PERP: variants seen among roughly 807,000 people sequenced by gnomAD.
PERP encodes the protein p53 apoptosis effector related to PMP-22.
PERP carries 11 observed loss-of-function variants against 20.3 expected under a neutral mutation model. The ratio of observed to expected loss-of-function variants is 0.54; its 90% CI spans 0.34 to 0.90. The LOEUF (loss-of-function observed/expected upper bound fraction) is 0.90. Ranked by LOEUF, PERP falls within the 40% of genes least tolerant of loss-of-function variation. The pLI, the probability that PERP is intolerant of heterozygous loss-of-function variation, is 0.02. For missense variants in PERP, 224 were observed against 249.4 expected (o/e 0.90, Z 0.69); for synonymous variants, 101 against 102.0 (o/e 0.99, Z 0.06).
At position 138,107,309 on chromosome 6, in the gene PERP, C is replaced by T. The variant is rs753748541; in HGVS notation, c.32G>A (p.Cys11Tyr). MIRCGLACER[C>Y]RWILPLLLLS... ...TAGGAGCAGGGGCAGGATCCAGCGG[C>T]AGCGCTCGCAGGCCAGGCCGCAGCG... is the stretch of plus-strand genomic sequence containing the variant. Residue 11 changes from cysteine to tyrosine, a missense_variant, in exon 1 of 3, where the codon TGC becomes TAC. By Grantham distance (194) the Cys-to-Tyr change is radical. Coordinates refer to ENST00000421351, the MANE Select transcript of PERP (RefSeq NM_022121.5). The surrounding 1 kb of genome is among the most constrained non-coding windows in gnomAD (Gnocchi z 4.8). The T allele has an allele frequency of 5.0e-6, 8 of 1,604,512 alleles. No individual in the cohort carries two copies. Among genetic ancestry groups the T allele is most frequent in the Non-Finnish European group, 5.9e-6 (7 of 1,177,906 alleles).
chr6:138,104,288 A>G (rs1163764101), intron 1 of PERP, among the ~76,000 whole-genome samples: 1 of 152,212 alleles, frequency 6.6e-6, no homozygotes, highest in Non-Finnish European at 1.5e-5. Flanking sequence ...TGACAAATAT[A>G]AACCATGATT....
intron 1 of PERP, among the ~76,000 whole-genome samples, chr6:138,105,700 A>G (rs1775830971): frequency 6.6e-6 from 1 of 152,256 alleles, no homozygotes. Flanking sequence ...GGAGTAGGGT[A>G]TAATTATCAA....
intron 1 of PERP, among the ~76,000 whole-genome samples, chr6:138,105,649 TG>T (rs1051702632): frequency 6.6e-6 from 1 of 152,192 alleles, no homozygotes; most frequent in African/African-American, 2.4e-5. Context: ...ACTTTATATG[TG>T]GAGGATTACT....
In PERP at chr6:138,089,280, A is replaced by AG. The variant is rs928339825; in HGVS notation, c.*2761_*2762insC. ...CTTTCAGGGGGAGTTTACAGAAAAA[A>AG]AAAATAAACCGAATTAAGTTATGAT... is the stretch of plus-strand genomic sequence containing the variant. On this transcript the variant is annotated 3_prime_UTR_variant, in exon 3 of 3. Coordinates refer to ENST00000421351, the MANE Select transcript of PERP (RefSeq NM_022121.5). 6.6e-6 allele frequency: 1 copy of AG among 151,664 alleles called. No homozygotes were observed. 9.4% of individuals were successfully genotyped at this position (151,664 alleles called of 1,614,324 possible).
chr6:138,101,139 G>A (rs934898713), intron 1 of PERP, among the ~76,000 whole-genome samples: 31 of 152,186 alleles, frequency 2.0e-4, no homozygotes, highest in Admixed American at 1.8e-3. Context: ...TTAGGAGGCC[G>A]AGAAAGGTCA....
At chr6:138,097,807 T>G (rs1775718637) in intron 1 of PERP, among the ~76,000 whole-genome samples, 1 of 152,216 alleles carries the variant, frequency 6.6e-6, no homozygotes, top group Non-Finnish European at 1.5e-5. Context: ...TGGTTTTTAC[T>G]ATATTCACAG....
chr6:138,091,291 A>G lies in PERP; in HGVS notation c.*751T>C, dbSNP rs1410265549. ...CTCTGGTTCTGAACATATAAACACA[A>G]AACACTACAGATTTATTAATATAGC... On this transcript the variant is annotated 3_prime_UTR_variant, in exon 3 of 3. Coordinates refer to ENST00000421351, the MANE Select transcript of PERP (RefSeq NM_022121.5). 6.6e-6 allele frequency: 1 copy of G among 152,226 alleles called. No individual in the cohort carries two copies. Among genetic ancestry groups the G allele is most frequent in the African/African-American group, 2.4e-5 (1 of 41,458 alleles). The allele number at this position is 152,226 out of a possible 1,614,324, so 9.4% of individuals were successfully genotyped here.
intron 1 of PERP, among the ~76,000 whole-genome samples, chr6:138,104,722 A>G (rs55750867): frequency 0.01 from 1,544 of 152,330 alleles, 16 homozygotes; most frequent in Non-Finnish European, 0.016. Context: ...AATTCTCTAT[A>G]CGGAGATCTC....
At chr6:138,106,422 G>A (rs1377997777) in intron 1 of PERP, among the ~76,000 whole-genome samples, 3 of 152,216 alleles carry the variant, frequency 2.0e-5, no homozygotes, top group African/African-American at 7.2e-5. Flanking sequence ...TACTTCACCT[G>A]CTAGGTACAT....
At position 138,096,446 on chromosome 6, in the gene PERP, AG is replaced by A. The variant is rs750479810; in HGVS notation, c.262del (p.Leu88TrpfsTer2). The A allele has an allele frequency of 6.2e-7, 1 of 1,613,980 alleles. No homozygotes were observed. The highest frequency in any genetic ancestry group is 1.1e-5 in the South Asian group (1 of 91,046). ...AAMLFCGFII[L>X]VICFILSFFA... Reference sequence around the variant, plus strand: ...GAAGGAGAGGATGAAACAGATCACCAGGATGATGAAGCCACAGAAGAGCATG... The same window carrying A: ...GAAGGAGAGGATGAAACAGATCACCAGATGATGAAGCCACAGAAGAGCATG... On this transcript the variant is annotated frameshift_variant, in exon 2 of 3. Coordinates refer to ENST00000421351, the MANE Select transcript of PERP (RefSeq NM_022121.5). LOFTEE classifies it high-confidence loss of function.
intron 2 of PERP, 48 bp downstream of exon 2, chr6:138,096,306 G>C: frequency 6.2e-7 from 1 of 1,602,632 alleles, no homozygotes; most frequent in Non-Finnish European, 8.5e-7. Context: ...TTACTAAGTC[G>C]ATGCCCACTG....
chr6:138,106,233 C>T (rs562973310), intron 1 of PERP, among the ~76,000 whole-genome samples: 1 of 152,246 alleles, frequency 6.6e-6, no homozygotes, highest in South Asian at 2.1e-4. Context: ...CCATCTCCAC[C>T]CCCACACACA....
At chr6:138,105,233 T>A (rs1054966281) in intron 1 of PERP, among the ~76,000 whole-genome samples, 3 of 152,244 alleles carry the variant, frequency 2.0e-5, no homozygotes, top group Non-Finnish European at 4.4e-5. Context: ...AAATCAGTCA[T>A]GCTGCATCAT....
At chr6:138,096,973 G>GA (rs1775703494) in intron 1 of PERP, among the ~76,000 whole-genome samples, 1 of 152,066 alleles carries the variant, frequency 6.6e-6, no homozygotes, top group South Asian at 2.1e-4. Context: ...AATAATCATT[G>GA]AAAAAATATA....
chr6:138,095,946 C>G (rs936628238), intron 2 of PERP, among the ~76,000 whole-genome samples: 2 of 152,182 alleles, frequency 1.3e-5, no homozygotes, highest in Non-Finnish European at 2.9e-5. Context: ...TCACAAGCCT[C>G]TTTCAACAAG....
chr6:138,091,946 C>T lies in PERP; in HGVS notation c.*96G>A. 1 of 1,116,820 alleles carries T rather than the reference C, an allele frequency of 9.0e-7. No homozygotes were observed. 69.2% of individuals were successfully genotyped at this position (1,116,820 alleles called of 1,614,324 possible). A position where few individuals can be genotyped will look rare whatever the true frequency, so the allele number is the denominator to read the frequency against. On this transcript the variant is annotated 3_prime_UTR_variant, in exon 3 of 3. Transcript: ENST00000421351. Reference sequence around the variant, plus strand: ...TTTGACTAGTTTAATAATATGAACACTGCCAAAAAATGGGTTCAAAGTCGC... The same window carrying T: ...TTTGACTAGTTTAATAATATGAACATTGCCAAAAAATGGGTTCAAAGTCGC...
chr6:138,097,865 C>T lies in PERP; in HGVS notation c.215-1371G>A, dbSNP rs76854984. The stretch of plus-strand genomic sequence containing the variant: ...ACAATCCAGAATATTTTTATCGCCC[C>T]GCAAAGAAACCCCGTGCCCATTAGC... On this transcript the variant is annotated intron_variant, in intron 1 of 2. Transcript: ENST00000421351. 4.7e-3 allele frequency among the ~76,000 whole-genome samples: 712 copies of T among 152,242 alleles called. 5 individuals carry two copies. The highest frequency in any genetic ancestry group is 0.013 in the African/African-American group (522 of 41,532).
At chr6:138,092,753 C>A (rs928912005) in intron 2 of PERP, among the ~76,000 whole-genome samples, 8 of 152,002 alleles carry the variant, frequency 5.3e-5, no homozygotes, top group African/African-American at 1.9e-4. Context: ...AATAACACAT[C>A]ACTGGAATAT....
At chr6:138,104,055 C>T (rs559857541) in intron 1 of PERP, among the ~76,000 whole-genome samples, 1 of 152,312 alleles carries the variant, frequency 6.6e-6, no homozygotes, top group South Asian at 2.1e-4. Flanking sequence ...AACTTATCAC[C>T]ATTATTCTCC....
Sources: gnomAD v4.1 joint callset for allele counts (sites outside exome capture counted in the v4.1 genomes callset) on GRCh38, gnomAD v4.1.1 for gene constraint, Gnocchi (gnomAD v3.1) non-coding constraint, MANE v1.5 for transcripts, NCBI Gene and HGNC (gene_info 2026-07-23, HGNC 2026-07-21) for gene names.